The following JUN variants were observed in gnomAD, a reference collection of about 807,000 sequenced individuals.
JUN encodes the protein transcription factor Jun.
Under a neutral mutation model 19.7 loss-of-function variants are expected in JUN, and 7 were observed. The ratio of observed to expected loss-of-function variants is 0.36; its 90% CI spans 0.20 to 0.67. JUN has a LOEUF of 0.67. Among genes scored for constraint, JUN ranks in the 30% least tolerant of loss-of-function variants. The pLI, the probability that JUN is intolerant of heterozygous loss-of-function variation, is 0.64. For synonymous variants in JUN, 246 were observed against 206.9 expected (o/e 1.19, Z -1.62); for missense variants, 373 against 451.0 (o/e 0.83, Z 1.57).
Position 58,783,297 on chromosome 1 carries a change from T to C in JUN, c.-227A>G. ...ATTAAGATGCCTCCCGCACTCTTAC[T>C]TGTCGACTCGCGCGCGCTACCCGGC... On this transcript the variant is annotated 5_prime_UTR_variant, in exon 1 of 1. Coordinates refer to ENST00000371222, the MANE Select transcript of JUN (RefSeq NM_002228.4). 1 of 577,148 alleles carries C rather than the reference T, an allele frequency of 1.7e-6. No individual in the cohort carries two copies. The highest frequency in any genetic ancestry group is 3.1e-5 in the East Asian group (1 of 32,050). The allele number at this position is 577,148 out of a possible 1,614,324, so 35.8% of individuals were successfully genotyped here.
chr1:58,782,886 G>A lies in JUN; in HGVS notation c.185C>T (p.Thr62Ile), dbSNP rs1569897938. The A allele has an allele frequency of 6.2e-7, 1 of 1,614,220 alleles. No homozygotes were observed. The highest frequency in any genetic ancestry group is 8.5e-7 in the Non-Finnish European group (1 of 1,180,046). ...CTTGAGCAGCCCCACGTCGGGCGAG[G>A]TGAGGAGGTCCGAGTTCTTGGCGCG... Reference protein sequence around the residue: ...HLRAKNSDLLTSPDVGLLKLA... With the variant: ...HLRAKNSDLLISPDVGLLKLA... The change falls in exon 1 of 1, where the codon ACC (threonine) becomes ATC (isoleucine). Residue 62 changes from threonine (T) to isoleucine (I), a missense_variant. Physicochemically the swap from Thr to Ile is moderately conservative, Grantham distance 89. Around this residue, in one of 4 missense-constraint regions of JUN, gnomAD observed 113 missense variants for 136.9 expected, o/e 0.83. Coordinates refer to ENST00000371222, the MANE Select transcript of JUN (RefSeq NM_002228.4). This position sits in a 1 kb window ranked among gnomAD's most constrained non-coding sequence, Gnocchi z 8.7.
Position 58,783,954 on chromosome 1 carries a change from A to G in JUN, c.-884T>C, listed in dbSNP as rs1299972201. On this transcript the variant is annotated 5_prime_UTR_variant, in exon 1 of 1. Coordinates refer to ENST00000371222, the MANE Select transcript of JUN (RefSeq NM_002228.4). ...ATTTGCAGTTCGGACTATACTGCCG[A>G]CCTGGCTGGCTGGCTGTGTCTGTCT... The G allele has an allele frequency of 4.0e-6, 1 of 248,772 alleles. No individual in the cohort carries two copies. The highest frequency in any genetic ancestry group is 2.2e-5 in the African/African-American group (1 of 45,354). The allele number at this position is 248,772 out of a possible 1,614,324, so 15.4% of individuals were successfully genotyped here.
In JUN at chr1:58,782,500, C is replaced by A; in HGVS notation, c.571G>T (p.Gly191Cys). Residue 191 changes from glycine (G) to cysteine (C), a missense_variant, in exon 1 of 1, where the codon GGC becomes TGC. Physicochemically the swap from Gly to Cys is radical, Grantham distance 159. Coordinates refer to ENST00000371222, the MANE Select transcript of JUN (RefSeq NM_002228.4). This position sits in a 1 kb window ranked among gnomAD's most constrained non-coding sequence, Gnocchi z 8.7. The stretch of plus-strand genomic sequence containing the variant: ...GCGGGAAAGGCCAGGCCGGCCGCGC[C>A]GTAGGAGGGCGCCCCGCCGCCGCTG... ...LSSGGGAPSY[G>C]AAGLAFPAQP... 6.4e-7 allele frequency: 1 copy of A among 1,571,456 alleles called. No homozygotes were observed. Among genetic ancestry groups the A allele is most frequent in the Non-Finnish European group, 8.6e-7 (1 of 1,164,944 alleles).
Position 58,783,379 on chromosome 1 carries a change from T to G in JUN, c.-309A>C. ...CTTCGTGCGCAGCGGTTCCTCGGAG[T>G]CCGCAGGCGAACTCACTTCCCAGAG... is the stretch of plus-strand genomic sequence containing the variant. On this transcript the variant is annotated 5_prime_UTR_variant, in exon 1 of 1. Transcript: ENST00000371222. 2.5e-6 allele frequency: 1 copy of G among 393,204 alleles called. No individual in the cohort carries two copies. Among genetic ancestry groups the G allele is most frequent in the Non-Finnish European group, 4.9e-6 (1 of 205,024 alleles). The allele number at this position is 393,204 out of a possible 1,614,324, so 24.4% of individuals were successfully genotyped here.
Position 58,782,559 on chromosome 1 carries a change from G to C in JUN, c.512C>G (p.Ala171Gly). The C allele has an allele frequency of 6.3e-7, 1 of 1,583,908 alleles. No individual in the cohort carries two copies. The highest frequency in any genetic ancestry group is 2.3e-5 in the East Asian group (1 of 44,212). The change falls in exon 1 of 1, where the codon GCA (alanine) becomes GGA (glycine). Residue 171 changes from alanine to glycine, a missense_variant. By Grantham distance (60) the Ala-to-Gly change is moderately conservative (BLOSUM62 0). This residue lies in a region of JUN where 173 missense variants were observed against 154.5 expected (regional missense o/e 1.12). Transcript: ENST00000371222. This position sits in a 1 kb window ranked among gnomAD's most constrained non-coding sequence, Gnocchi z 8.7. ...ASLHSEPPVY[A>G]NLSNFNPGAL... ...GCCTGGGTTGAAGTTGCTGAGGTTT[G>C]CGTAGACCGGCGGCTCGCTGTGCAG...
rs768867417 is a variant in JUN at position 58,783,022 on chromosome 1, A to G, written c.49T>C (p.Ser17Pro). The change falls in exon 1 of 1, where the codon TCG becomes CCG. Residue 17 changes from serine (S) to proline (P), a missense_variant. Transcript: ENST00000371222. Reference protein sequence around the residue: ...TTFYDDALNASFLPSESGPYG... With the variant: ...TTFYDDALNAPFLPSESGPYG... ...GGTCCGCTCTCGGACGGGAGGAACG[A>G]GGCGTTGAGGGCATCGTCATAGAAG... 6.2e-7 allele frequency: 1 copy of G among 1,614,200 alleles called. No homozygotes were observed. Among genetic ancestry groups the G allele is most frequent in the Non-Finnish European group, 8.5e-7 (1 of 1,180,030 alleles).
chr1:58,782,029 T>G lies in JUN; in HGVS notation c.*46A>C. The G allele has an allele frequency of 7.0e-7, 1 of 1,430,428 alleles. No individual in the cohort carries two copies. Among genetic ancestry groups the G allele is most frequent in the Non-Finnish European group, 9.8e-7 (1 of 1,022,930 alleles). 88.6% of individuals were successfully genotyped at this position (1,430,428 alleles called of 1,614,324 possible). ...TCAAGTTCTCAAGTCTGTCTCTCTGTGTTATTTTTTTTCTTCGTTGCCCCT... is the reference window on the plus strand; with the variant it reads ...TCAAGTTCTCAAGTCTGTCTCTCTGGGTTATTTTTTTTCTTCGTTGCCCCT... On this transcript the variant is annotated 3_prime_UTR_variant, in exon 1 of 1. Coordinates refer to ENST00000371222, the MANE Select transcript of JUN (RefSeq NM_002228.4). This position sits in a 1 kb window ranked among gnomAD's most constrained non-coding sequence, Gnocchi z 8.7.
Position 58,782,579 on chromosome 1 carries a change from G to T in JUN, c.492C>A (p.His164Gln). 6.3e-7 allele frequency: 1 copy of T among 1,576,658 alleles called. No individual in the cohort carries two copies. The highest frequency in any genetic ancestry group is 8.5e-7 in the Non-Finnish European group (1 of 1,169,866). The change falls in exon 1 of 1, where the codon CAC becomes CAA. Residue 164 changes from histidine to glutamine, a missense_variant. This residue lies in a region of JUN where 173 missense variants were observed against 154.5 expected (regional missense o/e 1.12). Transcript: ENST00000371222. The surrounding 1 kb of genome is among the most constrained non-coding windows in gnomAD (Gnocchi z 8.7). Reference protein sequence around the residue: ...SGSGGFSASLHSEPPVYANLS... With the variant: ...SGSGGFSASLQSEPPVYANLS... ...GGTTTGCGTAGACCGGCGGCTCGCT[G>T]TGCAGGCTGGCGCTGAAGCCGCCGC... is the stretch of plus-strand genomic sequence containing the variant.
rs1468250684 is a variant in JUN, at chr1:58,782,043, T to C, written c.*32A>G. 18 of 1,530,888 alleles carry C rather than the reference T, an allele frequency of 1.2e-5. No homozygotes were observed. The highest frequency in any genetic ancestry group is 1.4e-5 in the Non-Finnish European group (16 of 1,113,890). 94.8% of individuals were successfully genotyped at this position (1,530,888 alleles called of 1,614,324 possible). On this transcript the variant is annotated 3_prime_UTR_variant, in exon 1 of 1. Coordinates refer to ENST00000371222, the MANE Select transcript of JUN (RefSeq NM_002228.4). The surrounding 1 kb of genome is among the most constrained non-coding windows in gnomAD (Gnocchi z 8.7). The stretch of plus-strand genomic sequence containing the variant: ...CTGTCTCTCTGTGTTATTTTTTTTC[T>C]TCGTTGCCCCTCAGCCCCCGACGGT...
Position 58,783,134 on chromosome 1 carries a change from C to G in JUN, c.-64G>C. 6.4e-7 allele frequency: 1 copy of G among 1,553,796 alleles called. No individual in the cohort carries two copies. The highest frequency in any genetic ancestry group is 8.7e-7 in the Non-Finnish European group (1 of 1,145,970). On this transcript the variant is annotated 5_prime_UTR_variant, in exon 1 of 1. Transcript: ENST00000371222. ...GCGCGCACAAGTTTCGGGGCCGCAACAGGGCTGTGGCAAGCGGGGGACACC... is the reference window on the plus strand; with the variant it reads ...GCGCGCACAAGTTTCGGGGCCGCAAGAGGGCTGTGGCAAGCGGGGGACACC...
Position 58,781,175 on chromosome 1 carries a change from T to C in JUN, c.*900A>G, listed in dbSNP as rs1645571447. 1 of 233,316 alleles carries C rather than the reference T, an allele frequency of 4.3e-6. No individual in the cohort carries two copies. Among genetic ancestry groups the C allele is most frequent in the Non-Finnish European group, 8.5e-6 (1 of 117,824 alleles). The allele number at this position is 233,316 out of a possible 1,614,324, so 14.5% of individuals were successfully genotyped here. A position where few individuals can be genotyped will look rare whatever the true frequency, so the allele number is the denominator to read the frequency against. ...CATAGCATCAGGTACATCAGGTACA[T>C]TTATTTCTAAAGTCTAATAGAGAAC... is the stretch of plus-strand genomic sequence containing the variant. On this transcript the variant is annotated 3_prime_UTR_variant, in exon 1 of 1. Coordinates refer to ENST00000371222, the MANE Select transcript of JUN (RefSeq NM_002228.4).
rs897712183 is a variant in JUN at position 58,783,658 on chromosome 1, A to T, written c.-588T>A. 4.0e-6 allele frequency: 1 copy of T among 247,604 alleles called. No homozygotes were observed. The highest frequency in any genetic ancestry group is 5.6e-5 in the Admixed American group (1 of 17,798). 15.3% of individuals were successfully genotyped at this position (247,604 alleles called of 1,614,324 possible). A position where few individuals can be genotyped will look rare whatever the true frequency, so the allele number is the denominator to read the frequency against. On this transcript the variant is annotated 5_prime_UTR_variant, in exon 1 of 1. Coordinates refer to ENST00000371222, the MANE Select transcript of JUN (RefSeq NM_002228.4). Reference sequence around the variant, plus strand: ...GCCGTGGAGAAGCCTAAGACGCAGGAAAGGCTTGCAAAAGTTGGCTCCGGG... The same window carrying T: ...GCCGTGGAGAAGCCTAAGACGCAGGTAAGGCTTGCAAAAGTTGGCTCCGGG...
At position 58,782,039 on chromosome 1, in the gene JUN, TTTC is replaced by T. The variant is rs751599290; in HGVS notation, c.*33_*35del. 6.6e-6 allele frequency: 10 copies of T among 1,511,192 alleles called. No individual in the cohort carries two copies. The highest frequency in any genetic ancestry group is 9.1e-6 in the Non-Finnish European group (10 of 1,096,060). The allele number at this position is 1,511,192 out of a possible 1,614,324, so 93.6% of individuals were successfully genotyped here. ...AAGTCTGTCTCTCTGTGTTATTTTT[TTTC>T]TTCGTTGCCCCTCAGCCCCCGACGG... On this transcript the variant is annotated 3_prime_UTR_variant, in exon 1 of 1. Coordinates refer to ENST00000371222, the MANE Select transcript of JUN (RefSeq NM_002228.4). This position sits in a 1 kb window ranked among gnomAD's most constrained non-coding sequence, Gnocchi z 8.7.
Position 58,782,969 on chromosome 1 carries a change from C to T in JUN, c.102G>A (p.Leu34=). The change falls in exon 1 of 1, where the codon CTG becomes CTA. Residue 34 remains leucine, a synonymous_variant. Coordinates refer to ENST00000371222, the MANE Select transcript of JUN (RefSeq NM_002228.4). The surrounding 1 kb of genome is among the most constrained non-coding windows in gnomAD (Gnocchi z 8.7). Reference sequence around the variant, plus strand: ...CCAGGTTCAGGGTCATGCTCTGTTTCAGGATCTTGGGGTTACTGTAGCCAT... The same window carrying T: ...CCAGGTTCAGGGTCATGCTCTGTTTTAGGATCTTGGGGTTACTGTAGCCAT... ...GPYGYSNPKI[L]KQSMTLNLAD... The T allele has an allele frequency of 5.0e-6, 8 of 1,614,198 alleles. No homozygotes were observed. The highest frequency in any genetic ancestry group is 6.8e-6 in the Non-Finnish European group (8 of 1,180,032).
Position 58,783,978 on chromosome 1 carries a change from C to T in JUN, c.-908G>A. On this transcript the variant is annotated 5_prime_UTR_variant, in exon 1 of 1. Transcript: ENST00000371222. Reference sequence around the variant, plus strand: ...GACCTGGCTGGCTGGCTGTGTCTGTCTGTCTGCCTGACTCCGCGCACCTCC... The same window carrying T: ...GACCTGGCTGGCTGGCTGTGTCTGTTTGTCTGCCTGACTCCGCGCACCTCC... The T allele has an allele frequency of 4.0e-6, 1 of 249,440 alleles. No homozygotes were observed. 15.5% of individuals were successfully genotyped at this position (249,440 alleles called of 1,614,324 possible). A position where few individuals can be genotyped will look rare whatever the true frequency, so the allele number is the denominator to read the frequency against.
At position 58,783,165 on chromosome 1, in the gene JUN, C is replaced by T. The variant is rs879218836; in HGVS notation, c.-95G>A. 1.4e-5 allele frequency: 21 copies of T among 1,514,302 alleles called. No individual in the cohort carries two copies. The highest frequency in any genetic ancestry group is 1.1e-4 in the South Asian group (8 of 75,756). 93.8% of individuals were successfully genotyped at this position (1,514,302 alleles called of 1,614,324 possible). A position where few individuals can be genotyped will look rare whatever the true frequency, so the allele number is the denominator to read the frequency against. On this transcript the variant is annotated 5_prime_UTR_variant, in exon 1 of 1. Coordinates refer to ENST00000371222, the MANE Select transcript of JUN (RefSeq NM_002228.4). ...TGTGGCAAGCGGGGGACACCCGCGC[C>T]CCCCGGAGCCTTTGACAGGGAAAGT...
chr1:58,782,629 C>T lies in JUN; in HGVS notation c.442G>A (p.Ala148Thr), dbSNP rs1196342394. 89 of 1,594,768 alleles carry T rather than the reference C, an allele frequency of 5.6e-5. No individual in the cohort carries two copies. The highest frequency in any genetic ancestry group is 7.2e-5 in the Non-Finnish European group (85 of 1,177,428). The change falls in exon 1 of 1, where the codon GCC (alanine) becomes ACC (threonine). Residue 148 changes from alanine (A) to threonine (T), a missense_variant. This residue lies in a region of JUN where 173 missense variants were observed against 154.5 expected (regional missense o/e 1.12). Coordinates refer to ENST00000371222, the MANE Select transcript of JUN (RefSeq NM_002228.4). The surrounding 1 kb of genome is among the most constrained non-coding windows in gnomAD (Gnocchi z 8.7). Reference protein sequence around the residue: ...NGAGMVAPAVASVAGGSGSGG... With the variant: ...NGAGMVAPAVTSVAGGSGSGG... ...CTGCCGCTGCCCCCTGCCACCGAGG[C>T]TACCGCGGGAGCCACCATGCCTGCC...
Position 58,781,418 on chromosome 1 carries a change from T to G in JUN, c.*657A>C, listed in dbSNP as rs1645572822. ...ATATACTTTATTACAAATGGTAAAC[T>G]CAGAGTGCTCCAAATCTCTTATTTA... On this transcript the variant is annotated 3_prime_UTR_variant, in exon 1 of 1. Coordinates refer to ENST00000371222, the MANE Select transcript of JUN (RefSeq NM_002228.4). 4.4e-6 allele frequency: 1 copy of G among 227,318 alleles called. No individual in the cohort carries two copies. Among genetic ancestry groups the G allele is most frequent in the Non-Finnish European group, 8.8e-6 (1 of 114,272 alleles). 14.1% of individuals were successfully genotyped at this position (227,318 alleles called of 1,614,324 possible). A position where few individuals can be genotyped will look rare whatever the true frequency, so the allele number is the denominator to read the frequency against.
Position 58,781,151 on chromosome 1 carries a change from A to G in JUN, c.*924T>C, listed in dbSNP as rs1645571254. 8.6e-6 allele frequency: 2 copies of G among 232,938 alleles called. No homozygotes were observed. Among genetic ancestry groups the G allele is most frequent in the Non-Finnish European group, 1.7e-5 (2 of 117,910 alleles). 14.4% of individuals were successfully genotyped at this position (232,938 alleles called of 1,614,324 possible). On this transcript the variant is annotated 3_prime_UTR_variant, in exon 1 of 1. Transcript: ENST00000371222. ...GGGGGAGGAGGAGTATAACCTGACC[A>G]TAGCATCAGGTACATCAGGTACATT...
Sources: gnomAD v4.1 joint callset for allele counts on GRCh38, gnomAD v4.1.1 for gene constraint, gnomAD v4.1.1 regional missense constraint, Gnocchi (gnomAD v3.1) non-coding constraint, MANE v1.5 for transcripts, NCBI Gene and HGNC (gene_info 2026-07-23, HGNC 2026-07-21) for gene names.